Variants in FGF5 observed in about 807,000 individuals in gnomAD.
The protein encoded by FGF5 is heparin-binding growth factor 5.
In FGF5, 23 loss-of-function variants were observed where a neutral mutation model predicts 21.8. The observed-to-expected ratio is 1.05, with a 90% CI of 0.76 to 1.49. The LOEUF (loss-of-function observed/expected upper bound fraction) is 1.49, where lower values mean the gene tolerates loss of function less well. Among genes scored for constraint, FGF5 ranks in the 40% most tolerant of loss-of-function variants. The pLI is 0.00. For missense variants in FGF5, 352 were observed against 332.9 expected, an observed-to-expected ratio of 1.06 and a Z score of -0.45; for synonymous variants, 158 against 124.0, an observed-to-expected ratio of 1.27 and a Z score of -1.82.
At chr4:80,278,000 T>C (rs1348243230) in intron 2 of FGF5, among the ~76,000 whole-genome samples, 1 of 152,102 alleles carries the variant, frequency 6.6e-6, no homozygotes, top group Non-Finnish European at 1.5e-5. Flanking sequence ...GTCTCATAGA[T>C]GTTAAATTAT....
In FGF5 at chr4:80,286,642, G is replaced by C. The variant is rs762398537; in HGVS notation, c.777G>C (p.Val259=). 6.2e-7 allele frequency: 1 copy of C among 1,613,908 alleles called. No homozygotes were observed. Among genetic ancestry groups the C allele is most frequent in the Non-Finnish European group, 8.5e-7 (1 of 1,179,912 alleles). Residue 259 remains valine (V), a synonymous_variant, in exon 3 of 3, where the codon GTG becomes GTC. Transcript: ENST00000312465. ...CACCTCGGAAAAATACCAACTCAGT[G>C]AAATACAGACTCAAGTTTCGCTTTG... ...LSAPRKNTNS[V]KYRLKFRFG
chr4:80,278,308 T>C (rs375944967), intron 2 of FGF5, among the ~76,000 whole-genome samples: 1 of 152,184 alleles, frequency 6.6e-6, no homozygotes, highest in African/African-American at 2.4e-5. Context: ...ATAGTTAAAA[T>C]TGTAAATTTC....
chr4:80,274,982 G>A lies in FGF5; in HGVS notation c.429G>A (p.Ala143=), dbSNP rs143607241. The A allele has an allele frequency of 1.4e-4, 225 of 1,585,600 alleles. No homozygotes were observed. The highest frequency in any genetic ancestry group is 1.7e-4 in the Non-Finnish European group (198 of 1,158,926). The change falls in exon 2 of 3, where the codon GCG becomes GCA. Residue 143 remains alanine, a synonymous_variant. Coordinates refer to ENST00000312465, the MANE Select transcript of FGF5 (RefSeq NM_004464.4). ...IRGVFSNKFL[A]MSKKGKLHAS... is the part of the protein sequence containing the mutation. ...GAGTTTTCAGCAACAAATTTTTAGC[G>A]ATGTCAAAAAAAGGAAAACTCCATG... is the stretch of plus-strand genomic sequence containing the variant.
intron 1 of FGF5, 74 bp downstream of exon 1, chr4:80,267,253 C>T: frequency 4.1e-6 from 5 of 1,220,398 alleles, no homozygotes; most frequent in Non-Finnish European, 5.8e-6. Flanking sequence ...CAGGTATTCG[C>T]CGGGACACAG....
intron 1 of FGF5, chr4:80,268,295 G>A (rs17004859): frequency 0.048 from 7,808 of 161,750 alleles, 384 homozygotes; most frequent in African/African-American, 0.12. Flanking sequence ...CTTCCAGCGC[G>A]GGTTGGTCCA....
At chr4:80,271,155 A>T (rs1380927283) in intron 1 of FGF5, among the ~76,000 whole-genome samples, 1 of 152,234 alleles carries the variant, frequency 6.6e-6, no homozygotes, top group Non-Finnish European at 1.5e-5. Context: ...TCTATATTTT[A>T]TTCATTAACA....
At chr4:80,272,096 C>T (rs17532004) in intron 1 of FGF5, among the ~76,000 whole-genome samples, 8,504 of 152,194 alleles carry the variant, frequency 0.056, 330 homozygotes, top group Non-Finnish European at 0.083. Flanking sequence ...GTCATAATTA[C>T]GGTAAGATTT....
intron 1 of FGF5, 110 bp from the exon 2 acceptor site, chr4:80,274,799 T>C (rs2109921292): frequency 1.6e-6 from 1 of 610,626 alleles, no homozygotes; most frequent in Non-Finnish European, 2.9e-6. Context: ...ACTAAGTTCT[T>C]TTTTAAAATC....
At chr4:80,283,346 AAGG>A (rs1436749300) in intron 2 of FGF5, among the ~76,000 whole-genome samples, 3 of 152,108 alleles carry the variant, frequency 2.0e-5, no homozygotes, top group Admixed American at 2.0e-4. Context: ...CATCTCCATA[AAGG>A]GCTCCTCTTA....
Position 80,286,348 on chromosome 4 carries a change from G to T in FGF5, c.483G>T (p.Lys161Asn). ...AGGCCAAGTTCACAGATGACTGCAA[G>T]TTCAGGGAGCGTTTTCAAGAAAATA... ...HASAKFTDDCKFRERFQENSY... is the reference protein window; with the variant it reads ...HASAKFTDDCNFRERFQENSY... The change falls in exon 3 of 3, where the codon AAG becomes AAT. Residue 161 changes from lysine to asparagine, a missense_variant. Physicochemically the swap from Lys to Asn is moderately conservative, Grantham distance 94. Transcript: ENST00000312465. 1 of 1,597,630 alleles carries T rather than the reference G, an allele frequency of 6.3e-7. No individual in the cohort carries two copies. Among genetic ancestry groups the T allele is most frequent in the South Asian group, 1.1e-5 (1 of 89,552 alleles).
chr4:80,287,630 C>T lies in FGF5; in HGVS notation c.*958C>T, dbSNP rs1463573980. On this transcript the variant is annotated 3_prime_UTR_variant, in exon 3 of 3. Transcript: ENST00000312465. ...AATACATTTTATTCTGTCCATGAAGCATACACTATGAAATTCAAGTGCTTA... is the reference window on the plus strand; with the variant it reads ...AATACATTTTATTCTGTCCATGAAGTATACACTATGAAATTCAAGTGCTTA... The T allele has an allele frequency of 6.6e-6, 1 of 152,188 alleles. No individual in the cohort carries two copies. The allele number at this position is 152,188 out of a possible 1,614,324, so 9.4% of individuals were successfully genotyped here.
chr4:80,273,178 T>C (rs1214269880), intron 1 of FGF5, among the ~76,000 whole-genome samples: 1 of 151,992 alleles, frequency 6.6e-6, no homozygotes, highest in Non-Finnish European at 1.5e-5. Flanking sequence ...GGTGGTTTTT[T>C]TTTTCAGTTT....
At chr4:80,273,354 T>C (rs902564184) in intron 1 of FGF5, among the ~76,000 whole-genome samples, 1 of 152,112 alleles carries the variant, frequency 6.6e-6, no homozygotes, top group Non-Finnish European at 1.5e-5. Context: ...ATCCCCTTTT[T>C]CACATAAACT....
At chr4:80,269,865 T>A (rs1720220660) in intron 1 of FGF5, among the ~76,000 whole-genome samples, 1 of 152,036 alleles carries the variant, frequency 6.6e-6, no homozygotes, top group Non-Finnish European at 1.5e-5. Flanking sequence ...ATATCTGGAG[T>A]GTCTAATACT....
chr4:80,267,013 C>CTT lies in FGF5; in HGVS notation c.189_190insTT (p.Ala64LeufsTer56). The CTT allele has an allele frequency of 6.2e-7, 1 of 1,614,260 alleles. No individual in the cohort carries two copies. The highest frequency in any genetic ancestry group is 8.5e-7 in the Non-Finnish European group (1 of 1,180,052). On this transcript the variant is annotated frameshift_variant, in exon 1 of 3. Coordinates refer to ENST00000312465, the MANE Select transcript of FGF5 (RefSeq NM_004464.4). LOFTEE classifies it high-confidence loss of function. The stretch of plus-strand genomic sequence containing the variant: ...CTTCCTCTTCTGCCTCCTCCTCCCC[C>CTT]GCAGCTTCTCTGGGCAGCCAAGGAA...
At chr4:80,273,546 G>T (rs1720328341) in intron 1 of FGF5, among the ~76,000 whole-genome samples, 1 of 152,108 alleles carries the variant, frequency 6.6e-6, no homozygotes, top group Non-Finnish European at 1.5e-5. Flanking sequence ...ATACTGCAGG[G>T]AGAGTTTGCT....
In FGF5 at chr4:80,286,661, C is replaced by A. The variant is rs137903755; in HGVS notation, c.796C>A (p.Arg266Ser). 1.2e-6 allele frequency: 2 copies of A among 1,613,132 alleles called. No homozygotes were observed. Among genetic ancestry groups the A allele is most frequent in the Non-Finnish European group, 1.7e-6 (2 of 1,179,398 alleles). Residue 266 changes from arginine to serine, a missense_variant, in exon 3 of 3, where the codon CGC becomes AGC. Physicochemically the swap from Arg to Ser is moderately radical, Grantham distance 110. Coordinates refer to ENST00000312465, the MANE Select transcript of FGF5 (RefSeq NM_004464.4). ...TNSVKYRLKF[R>S]FG ...CTCAGTGAAATACAGACTCAAGTTT[C>A]GCTTTGGATAATATTCCTCTTGGCC... is the stretch of plus-strand genomic sequence containing the variant.
At chr4:80,285,597 A>T (rs1720688942) in intron 2 of FGF5, among the ~76,000 whole-genome samples, 2 of 152,088 alleles carry the variant, frequency 1.3e-5, no homozygotes, top group African/African-American at 4.8e-5. Context: ...ACCATGACGG[A>T]TGTCTACTTG....
chr4:80,269,351 C>G (rs1720204398), intron 1 of FGF5, among the ~76,000 whole-genome samples: 1 of 152,136 alleles, frequency 6.6e-6, no homozygotes, highest in Non-Finnish European at 1.5e-5. Context: ...GAAAGCAAGG[C>G]TCATTCCCAG....
Sources: gnomAD v4.1 joint callset for allele counts (sites outside exome capture counted in the v4.1 genomes callset) on GRCh38, gnomAD v4.1.1 for gene constraint, MANE v1.5 for transcripts, NCBI Gene and HGNC (gene_info 2026-07-23, HGNC 2026-07-21) for gene names.